ROCK2: variants seen among roughly 807,000 people sequenced by gnomAD.
ROCK2 encodes the protein rho-associated protein kinase 2.
In ROCK2, 61 loss-of-function variants were observed where a neutral mutation model predicts 195.1. The observed-to-expected ratio is 0.31, with a 90% CI of 0.25 to 0.39. The LOEUF is 0.39. Ranked by LOEUF, ROCK2 falls within the 10% of genes least tolerant of loss-of-function variation. The pLI is 1.00. For missense variants in ROCK2, 1,109 were observed against 1,637.4 expected (o/e 0.68, Z 5.57); for synonymous variants, 504 against 545.5 (o/e 0.92, Z 1.06).
At chr2:11,193,706 C>T in intron 30 of ROCK2, 73 bp downstream of exon 30, 1 of 777,934 alleles carries the variant, frequency 1.3e-6, no homozygotes, top group Non-Finnish European at 2.1e-6. Flanking sequence ...CATGTCATGT[C>T]ACTTGAGAAC....
chr2:11,283,807 G>T (rs79568480), intron 3 of ROCK2, among the ~76,000 whole-genome samples: 3,698 of 152,288 alleles, frequency 0.024, 176 homozygotes, highest in African/African-American at 0.085. Flanking sequence ...TTCATTGCTG[G>T]TAGGAATGCA....
rs1304236748 is a variant in ROCK2, at chr2:11,180,840, A to G, written c.*2597T>C. On this transcript the variant is annotated 3_prime_UTR_variant, in exon 33 of 33. Transcript: ENST00000315872. Reference sequence around the variant, plus strand: ...TAGGTGCATGCACTCATGTATGTACATGAAAGCGGCAATGCGGTAAAAAGC... The same window carrying G: ...TAGGTGCATGCACTCATGTATGTACGTGAAAGCGGCAATGCGGTAAAAAGC... The G allele has an allele frequency of 6.6e-6, 1 of 152,354 alleles. No individual in the cohort carries two copies. The allele number at this position is 152,354 out of a possible 1,614,324, so 9.4% of individuals were successfully genotyped here.
chr2:11,320,685 AATG>A (rs1216821269), intron 1 of ROCK2, among the ~76,000 whole-genome samples: 2 of 152,348 alleles, frequency 1.3e-5, no homozygotes, highest in Non-Finnish European at 2.9e-5. Context: ...AAATAAATGA[AATG>A]ATAACTTTCA....
At chr2:11,269,819 T>C (rs985591878) in intron 3 of ROCK2, among the ~76,000 whole-genome samples, 1 of 152,194 alleles carries the variant, frequency 6.6e-6, no homozygotes, top group Non-Finnish European at 1.5e-5. Context: ...GGTATGATCA[T>C]GGCTCACAGG....
Position 11,235,234 on chromosome 2 carries a change from G to T in ROCK2, c.723+468C>A, listed in dbSNP as rs941584377. Among the ~76,000 whole-genome samples, 1 of 152,148 alleles carries T rather than the reference G, an allele frequency of 6.6e-6. No homozygotes were observed. The highest frequency in any genetic ancestry group is 1.5e-5 in the Non-Finnish European group (1 of 68,000). Reference sequence around the variant, plus strand: ...CAGGTAAAGCATCGGAACAGATGATGTTCCCAAATTTATTCTGTGTGGTTG... The same window carrying T: ...CAGGTAAAGCATCGGAACAGATGATTTTCCCAAATTTATTCTGTGTGGTTG... On this transcript the variant is annotated intron_variant, in intron 5 of 32. Transcript: ENST00000315872. This position sits in a 1 kb window ranked among gnomAD's most constrained non-coding sequence, Gnocchi z 4.2.
rs950903622 is a variant in ROCK2, at chr2:11,344,367, G to A, written c.-231C>T. 1.0e-4 allele frequency: 121 copies of A among 1,160,950 alleles called. No individual in the cohort carries two copies. The highest frequency in any genetic ancestry group is 6.6e-4 in the African/African-American group (41 of 62,392). 71.9% of individuals were successfully genotyped at this position (1,160,950 alleles called of 1,614,324 possible). A position where few individuals can be genotyped will look rare whatever the true frequency, so the allele number is the denominator to read the frequency against. ...GCCCGGCCCTGCCGGGAGCGGCGGG[G>A]AACAGACGGCGTCCCCGCCCCTCAG... On this transcript the variant is annotated 5_prime_UTR_variant, in exon 1 of 33. Coordinates refer to ENST00000315872, the MANE Select transcript of ROCK2 (RefSeq NM_004850.5). This position sits in a 1 kb window ranked among gnomAD's most constrained non-coding sequence, Gnocchi z 5.4.
At chr2:11,198,645 G>A (rs758650174) in intron 24 of ROCK2, 36 bp downstream of exon 24, 2 of 1,564,270 alleles carry the variant, frequency 1.3e-6, no homozygotes, top group South Asian at 1.1e-5. Flanking sequence ...TAAACATTAG[G>A]TATATTAAAA....
At chr2:11,218,642 T>G (rs925559865) in intron 10 of ROCK2, among the ~76,000 whole-genome samples, 176 bp from the exon 11 acceptor site, 13 of 152,236 alleles carry the variant, frequency 8.5e-5, no homozygotes, top group African/African-American at 3.1e-4. Context: ...CCATGTATGA[T>G]TTAGCTTTGC....
rs1460926689 is a variant in ROCK2 at position 11,286,707 on chromosome 2, T to C, written c.224-68A>G. 6 of 941,354 alleles carry C rather than the reference T, an allele frequency of 6.4e-6. No individual in the cohort carries two copies. The East Asian group carries it at 1.4e-4, about 22-fold the overall frequency. The allele number at this position is 941,354 out of a possible 1,614,324, so 58.3% of individuals were successfully genotyped here. On this transcript the variant is annotated intron_variant, in intron 2 of 32. Transcript: ENST00000315872. ...TATATTTTTACATAATCAACATTTA[T>C]AAATATATTTTTGTTTCAAGAAAAG...
chr2:11,322,652 T>C (rs953246592), intron 1 of ROCK2, among the ~76,000 whole-genome samples: 1 of 152,180 alleles, frequency 6.6e-6, no homozygotes, highest in Non-Finnish European at 1.5e-5. Context: ...AACTTTCCAC[T>C]TGACAATAAG....
chr2:11,344,239 C>A lies in ROCK2; in HGVS notation c.-103G>T. 7.6e-7 allele frequency: 1 copy of A among 1,308,594 alleles called. No homozygotes were observed. Among genetic ancestry groups the A allele is most frequent in the Non-Finnish European group, 9.7e-7 (1 of 1,032,398 alleles). The allele number at this position is 1,308,594 out of a possible 1,614,324, so 81.1% of individuals were successfully genotyped here. ...CACCAGCTCCGGCCGGGACTCCACCCGGGCCCACCGCCTGCCTCTAGCTCC... is the reference window on the plus strand; with the variant it reads ...CACCAGCTCCGGCCGGGACTCCACCAGGGCCCACCGCCTGCCTCTAGCTCC... On this transcript the variant is annotated 5_prime_UTR_variant, in exon 1 of 33. Coordinates refer to ENST00000315872, the MANE Select transcript of ROCK2 (RefSeq NM_004850.5). The surrounding 1 kb of genome is among the most constrained non-coding windows in gnomAD (Gnocchi z 5.4).
intron 1 of ROCK2, among the ~76,000 whole-genome samples, chr2:11,304,345 T>C (rs1468174897): frequency 2.0e-5 from 3 of 152,196 alleles, no homozygotes; most frequent in African/African-American, 7.2e-5. Context: ...AATTCCATCC[T>C]TGCAAATACT....
intron 1 of ROCK2, among the ~76,000 whole-genome samples, chr2:11,318,362 A>T (rs1668291478): frequency 6.6e-6 from 1 of 152,214 alleles, no homozygotes; most frequent in Non-Finnish European, 1.5e-5. Flanking sequence ...TCTGATGGCC[A>T]GTGATGATGA....
At chr2:11,322,830 G>A (rs553054400) in intron 1 of ROCK2, among the ~76,000 whole-genome samples, 43 of 152,060 alleles carry the variant, frequency 2.8e-4, no homozygotes, top group Non-Finnish European at 4.7e-4. Context: ...TGAGTTACGC[G>A]TTCCATTTCC....
chr2:11,200,691 T>G (rs2148043291), intron 23 of ROCK2, among the ~76,000 whole-genome samples: 1 of 152,282 alleles, frequency 6.6e-6, no homozygotes, highest in South Asian at 2.1e-4. Flanking sequence ...AGTTTCAAGA[T>G]TCTTCTGAAC....
intron 6 of ROCK2, among the ~76,000 whole-genome samples, chr2:11,226,528 ATAAAC>A (rs1664816571): frequency 6.6e-6 from 1 of 152,226 alleles, no homozygotes; most frequent in African/African-American, 2.4e-5. Context: ...ATGTAATTAC[ATAAAC>A]TAAAGAGATT....
intron 1 of ROCK2, among the ~76,000 whole-genome samples, chr2:11,339,011 A>C (rs1472479808): frequency 2.6e-5 from 4 of 152,136 alleles, no homozygotes; most frequent in Non-Finnish European, 4.4e-5. Context: ...AGTTGGTAAT[A>C]ATGGTCTGTA....
At chr2:11,236,090 T>C (rs1171549293) in intron 4 of ROCK2, 128 bp from the exon 5 acceptor site, 1 of 851,942 alleles carries the variant, frequency 1.2e-6, no homozygotes, top group East Asian at 2.9e-5. Flanking sequence ...AACTAAAATT[T>C]ATGAGATCTT....
intron 4 of ROCK2, among the ~76,000 whole-genome samples, chr2:11,238,860 G>C (rs1017484755): frequency 1.3e-5 from 2 of 151,916 alleles, no homozygotes; most frequent in Admixed American, 6.6e-5. Flanking sequence ...CATATGAAAA[G>C]ATACATAGAT....
Sources: allele counts gnomAD v4.1 joint callset (sites outside exome capture counted in the v4.1 genomes callset), GRCh38; gene constraint gnomAD v4.1.1; non-coding constraint Gnocchi (gnomAD v3.1); transcripts MANE v1.5; gene names NCBI Gene and HGNC (gene_info 2026-07-23, HGNC 2026-07-21).